Variants in TSHZ2 observed in about 807,000 individuals in gnomAD.
TSHZ2 encodes teashirt zinc finger homeobox 2.
In TSHZ2, 21 loss-of-function variants were observed where a neutral mutation model predicts 74.4. The observed-to-expected ratio is 0.28, with a 90% CI of 0.20 to 0.41. The LOEUF is 0.41. Ranked by LOEUF, TSHZ2 falls within the 10% of genes least tolerant of loss-of-function variation. The pLI, the probability that TSHZ2 is intolerant of heterozygous loss-of-function variation, is 1.00. For synonymous variants in TSHZ2, 540 were observed against 515.3 expected, an observed-to-expected ratio of 1.05 and a Z score of -0.65; for missense variants, 1,244 against 1,293.5, an observed-to-expected ratio of 0.96 and a Z score of 0.59.
chr20:52,973,962 G>C (rs1981231940), intron 1 of TSHZ2, among the ~76,000 whole-genome samples: 1 of 152,130 alleles, frequency 6.6e-6, no homozygotes, highest in Admixed American at 6.5e-5. Flanking sequence ...GGGTTGTAGG[G>C]GGGAAATTCC....
At chr20:53,228,848 A>G (rs753645147) in intron 1 of TSHZ2, among the ~76,000 whole-genome samples, 35 of 149,442 alleles carry the variant, frequency 2.3e-4, no homozygotes, top group Admixed American at 4.0e-4. Context: ...ATGCCCCCCA[A>G]CTCCTCCTGG....
At chr20:53,185,633 A>G in intron 1 of TSHZ2, 1 of 1,535,980 alleles carries the variant, frequency 6.5e-7, no homozygotes, top group South Asian at 1.2e-5. Context: ...AAAAGAAAAA[A>G]AAGAAAGAAA....
Position 53,274,234 on chromosome 20 carries a change from C to T in TSHZ2, c.*8+17663C>T, listed in dbSNP as rs183629579. ...GCAGTGAGCCGAGATCGCACCGCTG[C>T]GCTCCAGCCTGGCGACAGAGTGAGA... is the stretch of plus-strand genomic sequence containing the variant. On this transcript the variant is annotated intron_variant, in intron 2 of 2. Transcript: ENST00000371497. 6.6e-5 allele frequency among the ~76,000 whole-genome samples: 10 copies of T among 152,318 alleles called. No individual in the cohort carries two copies. In the East Asian group the frequency reaches 1.5e-3, roughly 24 times the overall value.
intron 1 of TSHZ2, among the ~76,000 whole-genome samples, chr20:53,109,201 A>C (rs1047551381): frequency 6.6e-6 from 1 of 152,328 alleles, no homozygotes; most frequent in Middle Eastern, 3.4e-3. Context: ...GCTTAAATAT[A>C]GTATCTACTT....
chr20:53,032,125 C>T (rs1302816219), intron 1 of TSHZ2, among the ~76,000 whole-genome samples: 1 of 152,162 alleles, frequency 6.6e-6, no homozygotes, highest in Non-Finnish European at 1.5e-5. Context: ...TTCTGTGCAT[C>T]TTACCACAAA....
chr20:53,054,870 C>T (rs1269440356), intron 1 of TSHZ2, among the ~76,000 whole-genome samples: 1 of 152,102 alleles, frequency 6.6e-6, no homozygotes, highest in Non-Finnish European at 1.5e-5. Flanking sequence ...CAGATAGACA[C>T]TATGGCAAAG....
chr20:53,475,835 C>T (rs879847493), intron 2 of TSHZ2, among the ~76,000 whole-genome samples: 1,887 of 135,690 alleles, frequency 0.014, 234 homozygotes, highest in Admixed American at 0.023. Context: ...ATATCACCAC[C>T]GATCCCACAG....
chr20:53,048,323 A>C (rs932148872), intron 1 of TSHZ2, among the ~76,000 whole-genome samples: 3 of 152,104 alleles, frequency 2.0e-5, no homozygotes, highest in African/African-American at 7.2e-5. Context: ...AGAGAGAGAG[A>C]GAGAGCAAAA....
intron 1 of TSHZ2, among the ~76,000 whole-genome samples, chr20:53,095,491 A>G (rs1252758117): frequency 6.6e-6 from 1 of 152,212 alleles, no homozygotes; most frequent in Non-Finnish European, 1.5e-5. Flanking sequence ...GGGGATCTCA[A>G]AGCAAGATGA....
At chr20:53,382,104 C>A (rs1044873539) in intron 2 of TSHZ2, among the ~76,000 whole-genome samples, 1 of 152,144 alleles carries the variant, frequency 6.6e-6, no homozygotes, top group Non-Finnish European at 1.5e-5. Flanking sequence ...CTCAAACTTA[C>A]CTGCGGAATC....
intron 1 of TSHZ2, among the ~76,000 whole-genome samples, chr20:53,026,677 T>C (rs988842903): frequency 1.3e-5 from 2 of 152,232 alleles, no homozygotes; most frequent in African/African-American, 2.4e-5. Context: ...TGGTATGCTG[T>C]TAACATTTTG....
intron 1 of TSHZ2, among the ~76,000 whole-genome samples, chr20:53,238,314 G>A (rs544343054): frequency 3.3e-5 from 5 of 152,140 alleles, no homozygotes; most frequent in Non-Finnish European, 7.4e-5. Flanking sequence ...GAATTTGTTG[G>A]GAGGAACATA....
chr20:53,477,656 C>T (rs1359444011), intron 2 of TSHZ2, among the ~76,000 whole-genome samples: 1 of 149,472 alleles, frequency 6.7e-6, no homozygotes, highest in Non-Finnish European at 1.5e-5. Context: ...ACAAAATTGA[C>T]AATTGGGATC....
intron 2 of TSHZ2, among the ~76,000 whole-genome samples, chr20:53,479,829 A>C (rs6091681): frequency 0.2 from 30,427 of 152,150 alleles, 3,209 homozygotes; most frequent in East Asian, 0.3. Context: ...GCCAGGGATG[A>C]GGCTGAATAT....
intron 1 of TSHZ2, among the ~76,000 whole-genome samples, chr20:53,086,809 C>A (rs187758261): frequency 2.3e-4 from 35 of 152,302 alleles, no homozygotes; most frequent in Admixed American, 1.6e-3. Context: ...AATGCCAGTT[C>A]TCCTTCCAGG....
intron 1 of TSHZ2, among the ~76,000 whole-genome samples, chr20:53,207,609 T>C (rs1166108532): frequency 6.6e-6 from 1 of 152,140 alleles, no homozygotes. Context: ...AATCCCACTT[T>C]TATAACTTAG....
At chr20:53,333,042 A>G (rs999434031) in intron 2 of TSHZ2, among the ~76,000 whole-genome samples, 2 of 152,094 alleles carry the variant, frequency 1.3e-5, no homozygotes, top group Non-Finnish European at 2.9e-5. Context: ...CAGAACTCAG[A>G]TCTCAACTCA....
intron 1 of TSHZ2, among the ~76,000 whole-genome samples, chr20:52,995,302 C>T (rs1982141413): frequency 6.6e-6 from 1 of 152,192 alleles, no homozygotes; most frequent in African/African-American, 2.4e-5. Flanking sequence ...CACCTACCAT[C>T]ATCGTCCATC....
At chr20:53,374,352 T>C (rs902491860) in intron 2 of TSHZ2, among the ~76,000 whole-genome samples, 1 of 152,220 alleles carries the variant, frequency 6.6e-6, no homozygotes, top group Non-Finnish European at 1.5e-5. Context: ...TAGTATTTCA[T>C]GGTATATATA....
Sources: gnomAD v4.1 joint callset for allele counts (sites outside exome capture counted in the v4.1 genomes callset) on GRCh38, gnomAD v4.1.1 for gene constraint, MANE v1.5 for transcripts, NCBI Gene and HGNC (gene_info 2026-07-23, HGNC 2026-07-21) for gene names.